The following IL19 variants were observed in gnomAD, a reference collection of about 807,000 sequenced individuals.
The protein encoded by IL19 is interleukin 19.
In IL19, 15 loss-of-function variants were observed where a neutral mutation model predicts 19.5. That is an observed-to-expected ratio of 0.77 (90% CI 0.52 to 1.19). IL19 has a LOEUF of 1.19. Ranked by LOEUF, IL19 falls within the 50% of genes most tolerant of loss-of-function variation. The pLI is 0.00. For missense variants in IL19, 199 were observed against 213.1 expected, an observed-to-expected ratio of 0.93 and a Z score of 0.41; for synonymous variants, 78 against 78.3, an observed-to-expected ratio of 1.00 and a Z score of 0.02.
chr1:206,799,184 AG>A (rs1017314030), intron 2 of IL19, among the ~76,000 whole-genome samples, 178 bp downstream of exon 2: 3 of 152,024 alleles, frequency 2.0e-5, no homozygotes, highest in Non-Finnish European at 2.9e-5. Flanking sequence ...TTAGGGGAGA[AG>A]GGGGGGTCAC....
At chr1:206,831,097 A>G (rs1210460090) in intron 2 of IL19, among the ~76,000 whole-genome samples, 1 of 152,178 alleles carries the variant, frequency 6.6e-6, no homozygotes, top group African/African-American at 2.4e-5. Context: ...CAATTTTTGT[A>G]TGCGCTCAAG....
Position 206,777,209 on chromosome 1 carries a change from C to T in IL19, c.-149+6131C>T, listed in dbSNP as rs542809520. Among the ~76,000 whole-genome samples, 19 of 125,414 alleles carry T rather than the reference C, an allele frequency of 1.5e-4. No individual in the cohort carries two copies. The East Asian group carries it at 3.9e-3, about 26-fold the overall frequency. 82.3% of individuals were successfully genotyped at this position (125,414 alleles called of 152,430 possible). A position where few individuals can be genotyped will look rare whatever the true frequency, so the allele number is the denominator to read the frequency against. On this transcript the variant is annotated intron_variant, in intron 1 of 6. Coordinates refer to ENST00000659997, the MANE Select transcript of IL19 (RefSeq NM_153758.5). ...TCGCGTCACTGCACTCCAGCCTGGG[C>T]GACAGAGCGAGACTCCGTCTCAAAA...
chr1:206,807,595 T>G (rs897683381), intron 2 of IL19, among the ~76,000 whole-genome samples: 4 of 152,242 alleles, frequency 2.6e-5, no homozygotes, highest in Non-Finnish European at 4.4e-5. Flanking sequence ...TCTCAAAATC[T>G]GAAAATAAGT....
intron 2 of IL19, among the ~76,000 whole-genome samples, chr1:206,831,614 A>T (rs1027042259): frequency 6.6e-6 from 1 of 152,240 alleles, no homozygotes; most frequent in Non-Finnish European, 1.5e-5. Flanking sequence ...GTTGCTTATT[A>T]TGCGCCAGGT....
chr1:206,833,322 G>A (rs548378486), intron 2 of IL19, among the ~76,000 whole-genome samples: 11 of 152,346 alleles, frequency 7.2e-5, no homozygotes, highest in Non-Finnish European at 1.3e-4. Context: ...TTAGAGCAGA[G>A]GAGACTTCCT....
intron 2 of IL19, among the ~76,000 whole-genome samples, chr1:206,833,386 T>C (rs1476676970): frequency 1.3e-5 from 2 of 152,258 alleles, no homozygotes; most frequent in Non-Finnish European, 2.9e-5. Context: ...TCTTTCTCTC[T>C]CCTGATTTCT....
At chr1:206,781,456 A>AAG (rs1476260443) in intron 1 of IL19, among the ~76,000 whole-genome samples, 1 of 151,574 alleles carries the variant, frequency 6.6e-6, no homozygotes, top group African/African-American at 2.4e-5. Context: ...AAAGAAAAAA[A>AAG]AGAGAGAGAG....
At chr1:206,783,462 CT>C (rs1675193626) in intron 1 of IL19, among the ~76,000 whole-genome samples, 2 of 152,222 alleles carry the variant, frequency 1.3e-5, no homozygotes, top group Admixed American at 1.3e-4. Context: ...TGATCTGAGA[CT>C]GTTCCCAGCA....
chr1:206,839,469 T>C (rs1676923124), intron 4 of IL19, among the ~76,000 whole-genome samples: 1 of 152,186 alleles, frequency 6.6e-6, no homozygotes, highest in Non-Finnish European at 1.5e-5. Flanking sequence ...AGGGAAGTTC[T>C]TTTCAAGAAA....
chr1:206,817,523 T>C (rs558584229), intron 2 of IL19, among the ~76,000 whole-genome samples: 55 of 152,332 alleles, frequency 3.6e-4, no homozygotes, highest in African/African-American at 1.3e-3. Flanking sequence ...GCTATCTACA[T>C]ATGTCTACCT....
intron 2 of IL19, among the ~76,000 whole-genome samples, chr1:206,819,047 G>A (rs558070830): frequency 1.3e-3 from 195 of 151,324 alleles, no homozygotes; most frequent in African/African-American, 3.3e-3. Flanking sequence ...TCCTGACCTC[G>A]TGATCTGCCT....
intron 1 of IL19, chr1:206,772,148 T>C (rs1674868456): frequency 2.4e-6 from 2 of 848,932 alleles, no homozygotes; most frequent in Admixed American, 3.9e-5. Context: ...GAATTTAAGT[T>C]TGGGGGAATA....
At chr1:206,772,498 C>T in intron 1 of IL19, 2 of 1,447,144 alleles carry the variant, frequency 1.4e-6, no homozygotes, top group South Asian at 2.3e-5. Context: ...GATGTGTAGA[C>T]CTTCACCTCT....
At chr1:206,791,187 C>T (rs924854314) in intron 1 of IL19, among the ~76,000 whole-genome samples, 1 of 151,884 alleles carries the variant, frequency 6.6e-6, no homozygotes, top group African/African-American at 2.4e-5. Context: ...TTTCAAGGGA[C>T]AACTGTAGAG....
At chr1:206,781,956 CATATATATGTATATGTTA>C (rs1675151877) in intron 1 of IL19, among the ~76,000 whole-genome samples, 1 of 74,904 alleles carries the variant, frequency 1.3e-5, no homozygotes, top group South Asian at 4.2e-4. Flanking sequence ...GTTATATATA[CATATATATGTATATGTTA>C]TATATACATA....
At chr1:206,794,846 C>A (rs1049461362) in intron 1 of IL19, among the ~76,000 whole-genome samples, 4 of 152,214 alleles carry the variant, frequency 2.6e-5, no homozygotes, top group Admixed American at 6.5e-5. Flanking sequence ...ATGCTCCCCA[C>A]TTTCCATACC....
At chr1:206,837,983 TGG>T (rs1481433013) in intron 4 of IL19, among the ~76,000 whole-genome samples, 1 of 152,186 alleles carries the variant, frequency 6.6e-6, no homozygotes, top group Non-Finnish European at 1.5e-5. Flanking sequence ...AGGATTTCTG[TGG>T]CTTAGGGGTA....
At chr1:206,785,776 G>T (rs1675256650) in intron 1 of IL19, among the ~76,000 whole-genome samples, 1 of 152,218 alleles carries the variant, frequency 6.6e-6, no homozygotes, top group South Asian at 2.1e-4. Flanking sequence ...CAGCTCCCAA[G>T]AACCTGAACT....
At chr1:206,783,699 C>T (rs1675198607) in intron 1 of IL19, among the ~76,000 whole-genome samples, 1 of 152,200 alleles carries the variant, frequency 6.6e-6, no homozygotes, top group Non-Finnish European at 1.5e-5. Context: ...CCAAGATGTG[C>T]TCTGTCTTTG....
Sources: gnomAD v4.1 joint callset for allele counts (sites outside exome capture counted in the v4.1 genomes callset) on GRCh38, gnomAD v4.1.1 for gene constraint, MANE v1.5 for transcripts, NCBI Gene and HGNC (gene_info 2026-07-23, HGNC 2026-07-21) for gene names.